The following BASP1 variants were observed in gnomAD, a reference collection of about 807,000 sequenced individuals.
The protein encoded by BASP1 is brain acid soluble protein 1.
BASP1 carries 1 observed loss-of-function variant against 2.2 expected under a neutral mutation model. That is an observed-to-expected ratio of 0.46 (90% CI 0.16 to 2.17). BASP1 has a LOEUF of 2.17. Ranked by LOEUF, BASP1 falls within the 30% of genes most tolerant of loss-of-function variation. The pLI is 0.27. For missense variants in BASP1, 352 were observed against 327.2 expected (o/e 1.08, Z -0.58); for synonymous variants, 187 against 154.2 (o/e 1.21, Z -1.58).
intron 1 of BASP1, among the ~76,000 whole-genome samples, chr5:17,250,554 G>A (rs1416055221): frequency 6.6e-6 from 1 of 152,172 alleles, no homozygotes; most frequent in African/African-American, 2.4e-5. Flanking sequence ...AGGGGAAGGG[G>A]TCGCATGAAT....
At chr5:17,224,547 ACTT>A (rs536289636) in intron 1 of BASP1, among the ~76,000 whole-genome samples, 42 of 152,180 alleles carry the variant, frequency 2.8e-4, no homozygotes, top group Non-Finnish European at 5.3e-4. Context: ...AGCGATACTA[ACTT>A]CTTCAATGAA....
At chr5:17,257,186 A>T in intron 1 of BASP1, among the ~76,000 whole-genome samples, 1 of 152,148 alleles carries the variant, frequency 6.6e-6, no homozygotes. Flanking sequence ...TTCATCTTTT[A>T]CCAGTGTGAG....
At chr5:17,239,709 G>A (rs1438663431) in intron 1 of BASP1, among the ~76,000 whole-genome samples, 1 of 152,172 alleles carries the variant, frequency 6.6e-6, no homozygotes, top group Non-Finnish European at 1.5e-5. Flanking sequence ...TATATGTGTT[G>A]TATTTGCATG....
chr5:17,227,786 C>G (rs1403981906), intron 1 of BASP1, among the ~76,000 whole-genome samples: 1 of 152,188 alleles, frequency 6.6e-6, no homozygotes, highest in Admixed American at 6.5e-5. Flanking sequence ...CATAATCACC[C>G]AACCTCAGGT....
intron 1 of BASP1, among the ~76,000 whole-genome samples, chr5:17,230,888 C>T (rs554740457): frequency 5.3e-5 from 8 of 152,206 alleles, no homozygotes; most frequent in South Asian, 4.1e-4. Flanking sequence ...AAACAGTTTA[C>T]GACTTTTAGG....
At chr5:17,257,782 A>G (rs1288738727) in intron 1 of BASP1, among the ~76,000 whole-genome samples, 1 of 152,224 alleles carries the variant, frequency 6.6e-6, no homozygotes, top group Non-Finnish European at 1.5e-5. Context: ...GTGAACTTTA[A>G]TTACATAAAA....
rs200433914 is a variant in BASP1 at position 17,275,946 on chromosome 5, T to C, written c.*46T>C. On this transcript the variant is annotated 3_prime_UTR_variant, in exon 2 of 2. Transcript: ENST00000322611. This position sits in a 1 kb window ranked among gnomAD's most constrained non-coding sequence, Gnocchi z 5.3. The stretch of plus-strand genomic sequence containing the variant: ...AACAATACCACTTAAAACAATCTCC[T>C]CTCTCTCTCTCTCTCTCTCTCTCTA... The C allele has an allele frequency of 1.1e-3, 27 of 25,236 alleles. No homozygotes were observed. The highest frequency in any genetic ancestry group is 1.0e-2 in the South Asian group (12 of 1,202). 1.6% of individuals were successfully genotyped at this position (25,236 alleles called of 1,614,324 possible). A position where few individuals can be genotyped will look rare whatever the true frequency, so the allele number is the denominator to read the frequency against.
intron 1 of BASP1, among the ~76,000 whole-genome samples, chr5:17,228,712 T>C (rs542738560): frequency 6.6e-6 from 1 of 152,204 alleles, no homozygotes; most frequent in Admixed American, 6.5e-5. Flanking sequence ...AGTTGGCAGA[T>C]TGGGACACAC....
rs181320606 is a variant in BASP1 at position 17,245,378 on chromosome 5, T to C, written c.-10+27568T>C. Reference sequence around the variant, plus strand: ...CCTGTAGTGGCTGTCAAATAATTCATATTTAAAATTATTTTTGCTTTCTCC... The same window carrying C: ...CCTGTAGTGGCTGTCAAATAATTCACATTTAAAATTATTTTTGCTTTCTCC... On this transcript the variant is annotated intron_variant, in intron 1 of 1. Coordinates refer to ENST00000322611, the MANE Select transcript of BASP1 (RefSeq NM_006317.5). Among the ~76,000 whole-genome samples the C allele has an allele frequency of 2.6e-5, 4 of 152,076 alleles. No individual in the cohort carries two copies. In the East Asian group the frequency reaches 5.8e-4, roughly 22 times the overall value.
rs148211508 is a variant in BASP1 at position 17,253,128 on chromosome 5, GT to G, written c.-9-22071del. Among the ~76,000 whole-genome samples, 152 of 150,468 alleles carry G rather than the reference GT, an allele frequency of 1.0e-3. 1 individual carries two copies. Among genetic ancestry groups the G allele is most frequent in the Admixed American group, 2.5e-3 (38 of 15,086 alleles). The stretch of plus-strand genomic sequence containing the variant: ...GACAAAATCATAAAATAATCAATTG[GT>G]TTTTTTTTCATTATTTTCAAAGTTC... On this transcript the variant is annotated intron_variant, in intron 1 of 1. Transcript: ENST00000322611.
intron 1 of BASP1, among the ~76,000 whole-genome samples, chr5:17,227,520 GC>G (rs1180846544): frequency 6.6e-6 from 1 of 152,048 alleles, no homozygotes; most frequent in Non-Finnish European, 1.5e-5. Context: ...TTTTGCCCCA[GC>G]CTCCAAAGTA....
At chr5:17,263,575 G>A (rs1740361549) in intron 1 of BASP1, among the ~76,000 whole-genome samples, 1 of 152,230 alleles carries the variant, frequency 6.6e-6, no homozygotes, top group African/African-American at 2.4e-5. Context: ...GGACTAGACT[G>A]GGCTTCATGA....
At chr5:17,259,431 C>A (rs924500) in intron 1 of BASP1, among the ~76,000 whole-genome samples, 47,384 of 152,036 alleles carry the variant, frequency 0.31, 7,724 homozygotes, top group South Asian at 0.36. Context: ...TGAATACATT[C>A]TTTTATTAAT....
At position 17,251,610 on chromosome 5, in the gene BASP1, T is replaced by A. The variant is rs1389813025; in HGVS notation, c.-9-23598T>A. Among the ~76,000 whole-genome samples the A allele has an allele frequency of 1.3e-5, 2 of 152,166 alleles. No individual in the cohort carries two copies. The highest frequency in any genetic ancestry group is 2.9e-5 in the Non-Finnish European group (2 of 68,036). On this transcript the variant is annotated intron_variant, in intron 1 of 1. Transcript: ENST00000322611. The surrounding 1 kb of genome is among the most constrained non-coding windows in gnomAD (Gnocchi z 4.0). Reference sequence around the variant, plus strand: ...TCAGAAGGCCATGCAGTATTTCAGCTCATATTTTGTTTTCTAGCACCTAGC... The same window carrying A: ...TCAGAAGGCCATGCAGTATTTCAGCACATATTTTGTTTTCTAGCACCTAGC...
chr5:17,233,846 A>G (rs773356357), intron 1 of BASP1, among the ~76,000 whole-genome samples: 5 of 151,886 alleles, frequency 3.3e-5, no homozygotes, highest in Non-Finnish European at 7.4e-5. Flanking sequence ...TGGAAAATAC[A>G]GGCCGGGCGC....
At chr5:17,231,094 A>G (rs545794784) in intron 1 of BASP1, among the ~76,000 whole-genome samples, 9 of 152,348 alleles carry the variant, frequency 5.9e-5, no homozygotes, top group African/African-American at 2.2e-4. Flanking sequence ...TGTCTTTTAT[A>G]ACAACTTTCA....
At chr5:17,264,980 A>G (rs1003808549) in intron 1 of BASP1, among the ~76,000 whole-genome samples, 2 of 152,248 alleles carry the variant, frequency 1.3e-5, no homozygotes, top group Admixed American at 1.3e-4. Context: ...TAGTGAACAT[A>G]GTAACTTTCA....
At chr5:17,274,336 A>G (rs1740585320) in intron 1 of BASP1, among the ~76,000 whole-genome samples, 1 of 152,170 alleles carries the variant, frequency 6.6e-6, no homozygotes, top group African/African-American at 2.4e-5. Flanking sequence ...CTGCTTGGTA[A>G]GAAGATAGAC....
At chr5:17,240,166 A>C (rs141715048) in intron 1 of BASP1, among the ~76,000 whole-genome samples, 21 of 147,176 alleles carry the variant, frequency 1.4e-4, no homozygotes, top group South Asian at 4.3e-4. Flanking sequence ...AAATAAATAA[A>C]TAACAGGTTG....
Sources: gnomAD v4.1 joint callset for allele counts (sites outside exome capture counted in the v4.1 genomes callset) on GRCh38, gnomAD v4.1.1 for gene constraint, Gnocchi (gnomAD v3.1) non-coding constraint, MANE v1.5 for transcripts, NCBI Gene and HGNC (gene_info 2026-07-23, HGNC 2026-07-21) for gene names.